The following HSPBP1 variants were observed in gnomAD, a reference collection of about 807,000 sequenced individuals.
HSPBP1 encodes the protein HSPA (Hsp70) binding protein 1.
A neutral mutation model predicts 41.7 loss-of-function variants in HSPBP1; 31 were observed. The ratio of observed to expected loss-of-function variants is 0.74; its 90% confidence interval spans 0.56 to 1.00. The LOEUF (loss-of-function observed/expected upper bound fraction) is 1.00, where lower values mean the gene tolerates loss of function less well. HSPBP1 is among the 50% of genes least tolerant of loss of function. The pLI is 0.00. For synonymous variants in HSPBP1, 199 were observed against 214.4 expected (o/e 0.93, Z 0.63); for missense variants, 439 against 487.9 (o/e 0.90, Z 0.94).
chr19:55,265,129 C>A (rs1381918415), intron 7 of HSPBP1, 149 bp downstream of exon 7: 1 of 597,632 alleles, frequency 1.7e-6, no homozygotes, highest in African/African-American at 1.9e-5. Context: ...TCCCCGTGTA[C>A]CTGGTCCTCC....
At chr19:55,263,421 C>G (rs2087696171) in intron 7 of HSPBP1, among the ~76,000 whole-genome samples, 1 of 152,208 alleles carries the variant, frequency 6.6e-6, no homozygotes, top group Admixed American at 6.5e-5. Flanking sequence ...TTGGTGATAG[C>G]TAATGAAACG....
rs200454662 is a variant in HSPBP1 at position 55,265,345 on chromosome 19, G to A, written c.938C>T (p.Pro313Leu). The change falls in exon 7 of 8, where the codon CCG (proline) becomes CTG (leucine). Residue 313 changes from proline (P) to leucine (L), a missense_variant. Pro to Leu is a moderately conservative substitution (Grantham distance 98). Coordinates refer to ENST00000433386, the MANE Select transcript of HSPBP1 (RefSeq NM_012267.5). ...FPQGVRECRE[P>L]ELGLEELLRH... The stretch of plus-strand genomic sequence containing the variant: ...GAGGAGCTCCTCCAGGCCCAGTTCC[G>A]GCTCCCGACACTCGCGCACACCCTG... 4.0e-5 allele frequency: 65 copies of A among 1,612,922 alleles called. No individual in the cohort carries two copies. Among genetic ancestry groups the A allele is most frequent in the Non-Finnish European group, 5.3e-5 (62 of 1,179,786 alleles).
chr19:55,271,714 C>T (rs1288751023), intron 4 of HSPBP1, among the ~76,000 whole-genome samples: 1 of 152,132 alleles, frequency 6.6e-6, no homozygotes, highest in Admixed American at 6.6e-5. Flanking sequence ...GGTGTTGGAC[C>T]CCCCTCACAG....
chr19:55,279,582 G>A lies in HSPBP1; in HGVS notation c.27C>T (p.Ser9=), dbSNP rs761738179. The change falls in exon 2 of 8, where the codon AGC becomes AGT. Residue 9 remains serine, a synonymous_variant. Transcript: ENST00000433386. ...CCGGGGGCAGCGCCAGGGGCAGGCG[G>A]CTCCCCCTTGAGCCTTCGTCTGACA... MSDEGSRG[S]RLPLALPPAS... is the part of the protein sequence containing the mutation. 10 of 1,597,602 alleles carry A rather than the reference G, an allele frequency of 6.3e-6. No individual in the cohort carries two copies. The highest frequency in any genetic ancestry group is 8.5e-6 in the Non-Finnish European group (10 of 1,172,548).
chr19:55,277,653 TC>T lies in HSPBP1; in HGVS notation c.403del (p.Asp135ThrfsTer101), dbSNP rs1308561771. 1.9e-6 allele frequency: 3 copies of T among 1,605,818 alleles called. No individual in the cohort carries two copies. Among genetic ancestry groups the T allele is most frequent in the Non-Finnish European group, 2.5e-6 (3 of 1,177,432 alleles). On this transcript the variant is annotated frameshift_variant, in exon 3 of 8. Coordinates refer to ENST00000433386, the MANE Select transcript of HSPBP1 (RefSeq NM_012267.5). LOFTEE classifies it high-confidence loss of function. ...ELLADLCENMDNAADFCQLSG... is the reference protein window; with the variant it reads ...ELLADLCENMXNAADFCQLSG... ...GGGAAGCGGGGTACCTGCGGCATTG[TC>T]CATGTTCTCACACAGGTCGGCCAGC...
intron 4 of HSPBP1, among the ~76,000 whole-genome samples, chr19:55,273,429 T>C (rs7257317): frequency 1 from 151,790 of 152,304 alleles, 75,660 homozygotes; most frequent in Middle Eastern, 1. Flanking sequence ...ATCCAGCACA[T>C]ACGAAGAGCT....
At chr19:55,265,123 C>T (rs1478082156) in intron 7 of HSPBP1, among the ~76,000 whole-genome samples, 155 bp downstream of exon 7, 3 of 150,804 alleles carry the variant, frequency 2.0e-5, no homozygotes, top group African/African-American at 4.9e-5. Flanking sequence ...GTCACCTCCC[C>T]GTGTACCTGG....
In HSPBP1 at chr19:55,262,260, T is replaced by C. The variant is rs1129953; in HGVS notation, c.*348A>G. On this transcript the variant is annotated 3_prime_UTR_variant, in exon 8 of 8. Coordinates refer to ENST00000433386, the MANE Select transcript of HSPBP1 (RefSeq NM_012267.5). ...AGCAACACTTTTATTATTCTTCCAG[T>C]GGCTCCCCAAGTCCCTTAAACCCGT... The C allele has an allele frequency of 1.8e-6, 1 of 558,930 alleles. No individual in the cohort carries two copies. Among genetic ancestry groups the C allele is most frequent in the Admixed American group, 5.5e-5 (1 of 18,306 alleles). The allele number at this position is 558,930 out of a possible 1,614,324, so 34.6% of individuals were successfully genotyped here. A position where few individuals can be genotyped will look rare whatever the true frequency, so the allele number is the denominator to read the frequency against.
rs1600139359 is a variant in HSPBP1 at position 55,268,969 on chromosome 19, C to T, written c.641-2683G>A. 6.6e-6 allele frequency among the ~76,000 whole-genome samples: 1 copy of T among 152,060 alleles called. No individual in the cohort carries two copies. Among genetic ancestry groups the T allele is most frequent in the Admixed American group, 6.6e-5 (1 of 15,260 alleles). ...TATAGGCATGAGTCACCACGCCCAG[C>T]CAGATGTTATTTAATTAAAGAAAGA... On this transcript the variant is annotated intron_variant, in intron 4 of 7. Coordinates refer to ENST00000433386, the MANE Select transcript of HSPBP1 (RefSeq NM_012267.5). This position sits in a 1 kb window ranked among gnomAD's most constrained non-coding sequence, Gnocchi z 4.5.
chr19:55,274,686 G>T, intron 3 of HSPBP1, 64 bp from the exon 4 acceptor site: 1 of 1,377,360 alleles, frequency 7.3e-7, no homozygotes, highest in Non-Finnish European at 1.0e-6. Context: ...CCCCCAAAAT[G>T]CATGGGTTGA....
At chr19:55,271,974 A>T (rs2087933838) in intron 4 of HSPBP1, among the ~76,000 whole-genome samples, 2 of 152,090 alleles carry the variant, frequency 1.3e-5, no homozygotes, top group African/African-American at 4.8e-5. Flanking sequence ...AGGCAGGGGA[A>T]TCCCTTGAAC....
At chr19:55,278,923 C>CCCAA (rs764250410) in intron 2 of HSPBP1, among the ~76,000 whole-genome samples, 70 of 90,632 alleles carry the variant, frequency 7.7e-4, no homozygotes, top group South Asian at 2.0e-3. Context: ...CTGCCCCCAC[C>CCCAA]AAAAAAAAAA....
At position 55,279,303 on chromosome 19, in the gene HSPBP1, C is replaced by A. The variant is rs1318004981; in HGVS notation, c.210+96G>T. On this transcript the variant is annotated intron_variant, in intron 2 of 7. Transcript: ENST00000433386. The stretch of plus-strand genomic sequence containing the variant: ...TTTTCTGCCTCCCACCCAAGAAGAC[C>A]CTAGTCTTCTTGTGGCTCCCCAAGT... The A allele has an allele frequency of 5.8e-5, 61 of 1,059,206 alleles. No homozygotes were observed. The Admixed American group carries it at 1.5e-3, about 27-fold the overall frequency. The allele number at this position is 1,059,206 out of a possible 1,614,324, so 65.6% of individuals were successfully genotyped here.
Position 55,277,758 on chromosome 19 carries a change from A to G in HSPBP1, c.299T>C (p.Leu100Pro). 3 of 1,607,164 alleles carry G rather than the reference A, an allele frequency of 1.9e-6. No homozygotes were observed. The highest frequency in any genetic ancestry group is 2.5e-6 in the Non-Finnish European group (3 of 1,176,652). The stretch of plus-strand genomic sequence containing the variant: ...AGCAGTGGGGGGCATGGGCTGTGAC[A>G]GCACTCGGAGGCAGCTCTTCATCTG... ...VEQMKSCLRV[L>P]SQPMPPTAGE... The change falls in exon 3 of 8, where the codon CTG becomes CCG. Residue 100 changes from leucine to proline, a missense_variant. By Grantham distance (98) the Leu-to-Pro change is moderately conservative (BLOSUM62 -3). Coordinates refer to ENST00000433386, the MANE Select transcript of HSPBP1 (RefSeq NM_012267.5).
At chr19:55,277,600 T>G in intron 3 of HSPBP1, 42 bp downstream of exon 3, 1 of 1,566,882 alleles carries the variant, frequency 6.4e-7, no homozygotes, top group Non-Finnish European at 8.7e-7. Flanking sequence ...CAGCAGGACA[T>G]GTACAGAGGG....
chr19:55,264,824 T>C (rs905931868), intron 7 of HSPBP1, among the ~76,000 whole-genome samples: 1 of 152,114 alleles, frequency 6.6e-6, no homozygotes, highest in Non-Finnish European at 1.5e-5. Context: ...GAATGGAAGA[T>C]AAGTGAAATG....
rs1227441143 is a variant in HSPBP1 at position 55,265,963 on chromosome 19, C to A, written c.816G>T (p.Gly272=). 1.2e-6 allele frequency: 2 copies of A among 1,604,230 alleles called. No individual in the cohort carries two copies. Residue 272 remains glycine (G), a synonymous_variant, in exon 6 of 8, where the codon GGG becomes GGT. Coordinates refer to ENST00000433386, the MANE Select transcript of HSPBP1 (RefSeq NM_012267.5). ...CCAGGGCCACCAGCTGCTGGACCAT[C>A]CCCATGGAGCACAGGGTCCCTGGGG... The part of the protein sequence containing the change: ...PEHKGTLCSM[G]MVQQLVALVR...
intron 7 of HSPBP1, 47 bp downstream of exon 7, chr19:55,265,231 C>T (rs1416677159): frequency 9.0e-7 from 1 of 1,112,446 alleles, no homozygotes; most frequent in African/African-American, 1.6e-5. Context: ...CTTGTCCCCT[C>T]CCCCTTGCAC....
At chr19:55,278,870 C>T (rs1201482967) in intron 2 of HSPBP1, among the ~76,000 whole-genome samples, 1 of 151,110 alleles carries the variant, frequency 6.6e-6, no homozygotes, top group Non-Finnish European at 1.5e-5. Context: ...GCCAAGACTG[C>T]GCCTCTGCAC....
Sources: gnomAD v4.1 joint callset for allele counts (sites outside exome capture counted in the v4.1 genomes callset) on GRCh38, gnomAD v4.1.1 for gene constraint, Gnocchi (gnomAD v3.1) non-coding constraint, MANE v1.5 for transcripts, NCBI Gene and HGNC (gene_info 2026-07-23, HGNC 2026-07-21) for gene names.